The following ATG10 variants were observed in gnomAD, a reference collection of about 807,000 sequenced individuals.
ATG10 encodes autophagy related 10, also known as ubiquitin-like-conjugating enzyme ATG10.
Under a neutral mutation model 32.1 loss-of-function variants are expected in ATG10, and 30 were observed. The observed-to-expected ratio is 0.94, with a 90% CI of 0.70 to 1.27. The LOEUF (loss-of-function observed/expected upper bound fraction) is 1.27, where lower values mean the gene tolerates loss of function less well. Ranked by LOEUF, ATG10 falls within the 50% of genes most tolerant of loss-of-function variation. The pLI is 0.00. For synonymous variants in ATG10, 87 were observed against 91.5 expected, an observed-to-expected ratio of 0.95 and a Z score of 0.28; for missense variants, 233 against 262.3, an observed-to-expected ratio of 0.89 and a Z score of 0.77.
chr5:82,083,115 A>G (rs1451711250), intron 3 of ATG10, among the ~76,000 whole-genome samples: 1 of 152,186 alleles, frequency 6.6e-6, no homozygotes. Flanking sequence ...ACCTGGAAAA[A>G]TGGGAGACTC....
At chr5:82,244,571 A>G (rs1394658461) in intron 5 of ATG10, among the ~76,000 whole-genome samples, 1 of 152,134 alleles carries the variant, frequency 6.6e-6, no homozygotes, top group East Asian at 1.9e-4. Flanking sequence ...CTCCATTTCT[A>G]AGGAATGTGC....
At chr5:82,079,541 G>A (rs1764401347) in intron 3 of ATG10, among the ~76,000 whole-genome samples, 1 of 151,780 alleles carries the variant, frequency 6.6e-6, no homozygotes, top group Non-Finnish European at 1.5e-5. Context: ...ACAGGCCCCA[G>A]TGTGTGATGT....
chr5:82,135,300 C>A lies in ATG10; in HGVS notation c.217-29099C>A, dbSNP rs182353819. Reference sequence around the variant, plus strand: ...TTTGTTTTCTCTTGCTTCTCTAGTTCTTTTAATTGTGATGTTAAGGTGTCA... The same window carrying A: ...TTTGTTTTCTCTTGCTTCTCTAGTTATTTTAATTGTGATGTTAAGGTGTCA... On this transcript the variant is annotated intron_variant, in intron 3 of 7. Transcript: ENST00000282185. Among the ~76,000 whole-genome samples the A allele has an allele frequency of 2.2e-4, 34 of 152,224 alleles. No individual in the cohort carries two copies. In the East Asian group the frequency reaches 5.0e-3, roughly 23 times the overall value.
chr5:82,240,572 T>C (rs563455892), intron 5 of ATG10, among the ~76,000 whole-genome samples: 1 of 152,238 alleles, frequency 6.6e-6, no homozygotes, highest in Middle Eastern at 3.4e-3. Context: ...AATAGATAGA[T>C]GGAGTAAGAT....
At chr5:82,054,512 C>G (rs568511696) in intron 2 of ATG10, among the ~76,000 whole-genome samples, 1 of 152,152 alleles carries the variant, frequency 6.6e-6, no homozygotes. Context: ...AAGCCATGGT[C>G]CTGCTCTCTT....
At chr5:81,983,950 C>T (rs540200468) in intron 1 of ATG10, among the ~76,000 whole-genome samples, 1 of 151,614 alleles carries the variant, frequency 6.6e-6, no homozygotes, top group South Asian at 2.1e-4. Context: ...GGGATGGCGG[C>T]CGGGAAGAGG....
At chr5:82,240,554 G>T (rs929371286) in intron 5 of ATG10, among the ~76,000 whole-genome samples, 1 of 152,106 alleles carries the variant, frequency 6.6e-6, no homozygotes, top group Non-Finnish European at 1.5e-5. Flanking sequence ...CTGGTTAATG[G>T]GTATAAAAAT....
chr5:82,182,112 A>T (rs1300483233), intron 5 of ATG10, among the ~76,000 whole-genome samples: 1 of 152,178 alleles, frequency 6.6e-6, no homozygotes, highest in Admixed American at 6.5e-5. Flanking sequence ...GGCATGGCCT[A>T]AAGTCACAAA....
rs869311526 is a variant in ATG10 at position 82,100,000 on chromosome 5, G to GTTTTTTTTTTT, written c.216+41414_216+41424dup. Among the ~76,000 whole-genome samples, 5 of 58,956 alleles carry GTTTTTTTTTTT rather than the reference G, an allele frequency of 8.5e-5. 2 individuals carry two copies. The highest frequency in any genetic ancestry group is 1.4e-4 in the African/African-American group (2 of 14,032). 38.7% of individuals were successfully genotyped at this position (58,956 alleles called of 152,430 possible). A position where few individuals can be genotyped will look rare whatever the true frequency, so the allele number is the denominator to read the frequency against. On this transcript the variant is annotated intron_variant, in intron 3 of 7. Coordinates refer to ENST00000282185, the MANE Select transcript of ATG10 (RefSeq NM_031482.5). ...CTGATTTCTTTCTTTCTTTTTCTGT[G>GTTTTTTTTTTT]TTTTTTTTTTTTTTTTTTTTTTTTT...
chr5:82,051,666 G>C (rs1490579933), intron 2 of ATG10, among the ~76,000 whole-genome samples: 1 of 152,124 alleles, frequency 6.6e-6, no homozygotes. Flanking sequence ...CATCTGGAAG[G>C]TGTAACACTA....
At chr5:82,116,481 C>A (rs324905) in intron 3 of ATG10, among the ~76,000 whole-genome samples, 150,007 of 152,182 alleles carry the variant, frequency 0.99, 73,960 homozygotes, top group Middle Eastern at 1. Flanking sequence ...GAATTTCTCC[C>A]ATCAGTAAAT....
At chr5:82,100,430 C>G (rs1026173414) in intron 3 of ATG10, among the ~76,000 whole-genome samples, 16 of 152,142 alleles carry the variant, frequency 1.1e-4, no homozygotes, top group African/African-American at 2.2e-4. Flanking sequence ...TACTGCCAGT[C>G]TCTCTCTAGG....
At chr5:82,074,171 CATCAAG>C (rs1367512483) in intron 3 of ATG10, among the ~76,000 whole-genome samples, 2 of 152,148 alleles carry the variant, frequency 1.3e-5, no homozygotes. Flanking sequence ...AACTTTGCTT[CATCAAG>C]ACCTGGAAAA....
chr5:82,042,635 A>G (rs943772903), intron 2 of ATG10, among the ~76,000 whole-genome samples: 1 of 152,176 alleles, frequency 6.6e-6, no homozygotes, highest in Admixed American at 6.5e-5. Flanking sequence ...CTAAGATGCA[A>G]TGGGTATACA....
At chr5:81,986,745 A>G (rs1761286847) in intron 1 of ATG10, among the ~76,000 whole-genome samples, 1 of 152,148 alleles carries the variant, frequency 6.6e-6, no homozygotes, top group African/African-American at 2.4e-5. Flanking sequence ...AGAAACGGGA[A>G]TAAAAAAACA....
intron 3 of ATG10, among the ~76,000 whole-genome samples, chr5:82,122,141 A>G (rs1766068479): frequency 6.6e-6 from 1 of 152,050 alleles, no homozygotes; most frequent in East Asian, 1.9e-4. Context: ...GGTTGATAGG[A>G]TATTCATTAC....
intron 4 of ATG10, among the ~76,000 whole-genome samples, chr5:82,174,269 C>T (rs1743923404): frequency 6.6e-6 from 1 of 152,144 alleles, no homozygotes; most frequent in South Asian, 2.1e-4. Context: ...CACATCATAC[C>T]TCATTAAGTC....
intron 3 of ATG10, among the ~76,000 whole-genome samples, chr5:82,082,612 A>G (rs755810125): frequency 2.0e-5 from 3 of 152,010 alleles, no homozygotes; most frequent in Non-Finnish European, 2.9e-5. Context: ...TATACTACAA[A>G]TACATTGACA....
chr5:82,100,684 AT>A (rs1328953891), intron 3 of ATG10, among the ~76,000 whole-genome samples: 8 of 151,656 alleles, frequency 5.3e-5, no homozygotes, highest in Non-Finnish European at 1.0e-4. Flanking sequence ...TTCTATACTT[AT>A]GTTAAAGAGA....
Sources: allele counts gnomAD v4.1 joint callset (sites outside exome capture counted in the v4.1 genomes callset), GRCh38; gene constraint gnomAD v4.1.1; transcripts MANE v1.5; gene names NCBI Gene and HGNC (gene_info 2026-07-23, HGNC 2026-07-21).